The following MTX2 variants were observed in gnomAD, a reference collection of about 807,000 sequenced individuals.
MTX2 encodes the protein metaxin 2, also known as metaxin-2.
Under a neutral mutation model 42.3 loss-of-function variants are expected in MTX2, and 35 were observed. The observed-to-expected ratio is 0.83, with a 90% confidence interval of 0.63 to 1.10. The LOEUF (loss-of-function observed/expected upper bound fraction) is 1.10, where lower values mean the gene tolerates loss of function less well. Ranked by LOEUF, MTX2 falls within the 50% of genes least tolerant of loss-of-function variation. The pLI is 0.00. For synonymous variants in MTX2, 119 were observed against 100.9 expected (o/e 1.18, Z -1.08); for missense variants, 307 against 304.1 (o/e 1.01, Z -0.07).
chr2:176,283,241 C>T (rs965179768), intron 1 of MTX2, among the ~76,000 whole-genome samples: 1 of 152,058 alleles, frequency 6.6e-6, no homozygotes, highest in Non-Finnish European at 1.5e-5. Flanking sequence ...ACCCCTAATC[C>T]CACCTCCCTT....
At chr2:176,270,362 C>A in intron 1 of MTX2, 1 of 1,362,226 alleles carries the variant, frequency 7.3e-7, no homozygotes, top group African/African-American at 1.5e-5. Flanking sequence ...TTTAAATCTG[C>A]ATGTACTTTA....
intron 5 of MTX2, among the ~76,000 whole-genome samples, chr2:176,327,746 A>G (rs1011781630): frequency 6.6e-6 from 1 of 150,728 alleles, no homozygotes; most frequent in Non-Finnish European, 1.5e-5. Context: ...TGGTATTGGT[A>G]CCTTAGGATA....
chr2:176,292,217 C>T (rs1349295806), intron 1 of MTX2, among the ~76,000 whole-genome samples: 1 of 152,144 alleles, frequency 6.6e-6, no homozygotes, highest in Non-Finnish European at 1.5e-5. Context: ...TGGCACTTCA[C>T]ACCAGGGTGA....
intron 2 of MTX2, among the ~76,000 whole-genome samples, chr2:176,297,569 A>G (rs1483140911): frequency 2.6e-5 from 4 of 152,186 alleles, no homozygotes; most frequent in Admixed American, 2.0e-4. Flanking sequence ...TTTAATGAAG[A>G]GGAACATTTC....
intron 1 of MTX2, among the ~76,000 whole-genome samples, chr2:176,278,208 A>T (rs1692995754): frequency 6.6e-6 from 1 of 151,428 alleles, no homozygotes; most frequent in African/African-American, 2.4e-5. Flanking sequence ...CCACCACCAC[A>T]CCTGGCTAAT....
intron 3 of MTX2, among the ~76,000 whole-genome samples, chr2:176,308,584 A>G (rs1210189115): frequency 6.6e-6 from 1 of 152,170 alleles, no homozygotes; most frequent in Admixed American, 6.5e-5. Context: ...TTATTGGTCT[A>G]TTCAGAGATT....
intron 3 of MTX2, among the ~76,000 whole-genome samples, chr2:176,299,726 C>T (rs1429776960): frequency 6.6e-6 from 1 of 151,984 alleles, no homozygotes; most frequent in East Asian, 1.9e-4. Context: ...AGTGGGCCAG[C>T]ATTTGTTTAG....
At chr2:176,322,755 A>C (rs1684615086) in intron 3 of MTX2, among the ~76,000 whole-genome samples, 1 of 151,938 alleles carries the variant, frequency 6.6e-6, no homozygotes, top group Non-Finnish European at 1.5e-5. Context: ...TTTAAAATTG[A>C]TTGTGTATAG....
intron 1 of MTX2, among the ~76,000 whole-genome samples, chr2:176,291,167 A>G (rs1693320588): frequency 6.6e-6 from 1 of 152,226 alleles, no homozygotes; most frequent in Non-Finnish European, 1.5e-5. Flanking sequence ...GTTAAAAAAG[A>G]TAAAATTCAA....
chr2:176,275,734 T>C (rs1410877265), intron 1 of MTX2, among the ~76,000 whole-genome samples: 1 of 152,170 alleles, frequency 6.6e-6, no homozygotes, highest in Non-Finnish European at 1.5e-5. Flanking sequence ...TGTAATCCCA[T>C]TTGGGCTACA....
intron 1 of MTX2, among the ~76,000 whole-genome samples, chr2:176,280,067 T>C (rs1277662335): frequency 6.6e-6 from 1 of 152,184 alleles, no homozygotes; most frequent in Non-Finnish European, 1.5e-5. Flanking sequence ...TTCCTCAATC[T>C]GTGAATAATG....
chr2:176,311,152 G>C (rs1684294121), intron 3 of MTX2, among the ~76,000 whole-genome samples: 1 of 152,124 alleles, frequency 6.6e-6, no homozygotes, highest in African/African-American at 2.4e-5. Context: ...CTAACAGCCA[G>C]GTCCCTCAGC....
intron 4 of MTX2, among the ~76,000 whole-genome samples, chr2:176,325,392 CATT>C (rs1488655121): frequency 6.6e-6 from 1 of 151,532 alleles, no homozygotes. Context: ...TGACAGAAAA[CATT>C]ATTCACTTCT....
intron 2 of MTX2, among the ~76,000 whole-genome samples, chr2:176,297,473 T>C (rs1211767421): frequency 1.3e-5 from 2 of 152,200 alleles, no homozygotes; most frequent in East Asian, 1.9e-4. Flanking sequence ...CTAGACACAC[T>C]GTGCAATATT....
chr2:176,311,120 T>C (rs1684293462), intron 3 of MTX2, among the ~76,000 whole-genome samples: 1 of 152,206 alleles, frequency 6.6e-6, no homozygotes, highest in Non-Finnish European at 1.5e-5. Flanking sequence ...ATGGTATTCC[T>C]TTCTGTTTGT....
chr2:176,308,566 A>G (rs1186290970), intron 3 of MTX2, among the ~76,000 whole-genome samples: 3 of 152,200 alleles, frequency 2.0e-5, no homozygotes, highest in Non-Finnish European at 4.4e-5. Flanking sequence ...CCTCAATTTC[A>G]GAGCCTGTTA....
chr2:176,310,937 C>T (rs1169306151), intron 3 of MTX2, among the ~76,000 whole-genome samples: 1 of 152,188 alleles, frequency 6.6e-6, no homozygotes, highest in Non-Finnish European at 1.5e-5. Context: ...AGCTTTGTTC[C>T]ATTGCTGGCG....
At chr2:176,279,994 A>T (rs970962067) in intron 1 of MTX2, among the ~76,000 whole-genome samples, 1 of 152,204 alleles carries the variant, frequency 6.6e-6, no homozygotes, top group Non-Finnish European at 1.5e-5. Flanking sequence ...TTTGACTTTT[A>T]TGAAAAGATA....
chr2:176,305,106 GTATC>G (rs1328040525), intron 3 of MTX2, among the ~76,000 whole-genome samples: 6 of 152,116 alleles, frequency 3.9e-5, no homozygotes, highest in African/African-American at 1.4e-4. Context: ...AGTGTGCTGT[GTATC>G]TAACTTGAAA....
Sources: gnomAD v4.1 joint callset for allele counts (sites outside exome capture counted in the v4.1 genomes callset) on GRCh38, gnomAD v4.1.1 for gene constraint, MANE v1.5 for transcripts, NCBI Gene and HGNC (gene_info 2026-07-23, HGNC 2026-07-21) for gene names.